The following SNX31 variants were observed in gnomAD, a reference collection of about 807,000 sequenced individuals.
SNX31 encodes the protein sorting nexin 31.
In SNX31, 58 loss-of-function variants were observed where a neutral mutation model predicts 65.4. The observed-to-expected ratio is 0.89, with a 90% CI of 0.72 to 1.10. The LOEUF (loss-of-function observed/expected upper bound fraction) is 1.10. SNX31 is among the 50% of genes least tolerant of loss of function. The pLI, the probability that SNX31 is intolerant of heterozygous loss-of-function variation, is 0.00. For synonymous variants in SNX31, 181 were observed against 190.1 expected, an observed-to-expected ratio of 0.95 and a Z score of 0.39; for missense variants, 523 against 529.7, an observed-to-expected ratio of 0.99 and a Z score of 0.12.
intron 9 of SNX31, among the ~76,000 whole-genome samples, chr8:100,597,098 G>A (rs1815170086): frequency 6.6e-6 from 1 of 152,094 alleles, no homozygotes; most frequent in East Asian, 1.9e-4. Flanking sequence ...CTGTGTCCCT[G>A]CCCCTGTTAT....
chr8:100,601,630 TAA>T (rs762920546), intron 8 of SNX31, among the ~76,000 whole-genome samples: 15 of 152,184 alleles, frequency 9.9e-5, no homozygotes, highest in Non-Finnish European at 1.8e-4. Context: ...AATTTCACAT[TAA>T]AAAAATTAAA....
intron 2 of SNX31, among the ~76,000 whole-genome samples, chr8:100,641,493 C>T (rs544884048): frequency 1.6e-5 from 2 of 128,218 alleles, no homozygotes; most frequent in African/African-American, 3.0e-5. Context: ...AACAGTGAGC[C>T]GAGATCACAC....
intron 12 of SNX31, chr8:100,582,323 A>C (rs1273744642): frequency 6.6e-6 from 1 of 152,188 alleles, no homozygotes; most frequent in East Asian, 1.9e-4. Context: ...TCTCCCTTTT[A>C]ATGAGGCTAC....
chr8:100,624,154 AAT>A (rs909733737), intron 4 of SNX31, among the ~76,000 whole-genome samples: 1 of 152,180 alleles, frequency 6.6e-6, no homozygotes, highest in African/African-American at 2.4e-5. Context: ...AGGGTCTAAA[AAT>A]TGAAGAATAA....
At chr8:100,644,494 A>C (rs1447840106) in intron 2 of SNX31, among the ~76,000 whole-genome samples, 1 of 152,124 alleles carries the variant, frequency 6.6e-6, no homozygotes, top group Non-Finnish European at 1.5e-5. Flanking sequence ...GGGGCCAGCC[A>C]GTTCACACAG....
rs181326082 is a variant in SNX31 at position 100,636,760 on chromosome 8, T to C, written c.142-749A>G. ...TTTTGAGACGGAGTTTCACTCTTGT[T>C]GCCCAGGCTGGAGTGCAATGGCTCA... On this transcript the variant is annotated intron_variant, in intron 2 of 13. Transcript: ENST00000311812. Among the ~76,000 whole-genome samples, 1,119 of 152,250 alleles carry C rather than the reference T, an allele frequency of 7.3e-3. 15 individuals carry two copies. The highest frequency in any genetic ancestry group is 0.024 in the African/African-American group (998 of 41,550).
chr8:100,596,559 G>C (rs1282303271), intron 10 of SNX31, 80 bp downstream of exon 10: 8 of 1,191,820 alleles, frequency 6.7e-6, no homozygotes, highest in Middle Eastern at 3.8e-4. Context: ...TGGCAAACCT[G>C]TCTCCCTAGT....
chr8:100,586,499 G>A (rs1461428989), intron 11 of SNX31, among the ~76,000 whole-genome samples: 1 of 152,152 alleles, frequency 6.6e-6, no homozygotes, highest in African/African-American at 2.4e-5. Context: ...ATTTGCTACT[G>A]CCTAGATTGA....
chr8:100,637,950 C>A (rs761251524), intron 2 of SNX31, among the ~76,000 whole-genome samples: 1 of 152,184 alleles, frequency 6.6e-6, no homozygotes, highest in Non-Finnish European at 1.5e-5. Context: ...GCTGCCTCGG[C>A]CTCCCAAAGT....
At chr8:100,611,673 A>G (rs1476547024) in intron 7 of SNX31, among the ~76,000 whole-genome samples, 1 of 152,146 alleles carries the variant, frequency 6.6e-6, no homozygotes, top group African/African-American at 2.4e-5. Flanking sequence ...CTCCTGCCTC[A>G]GCCTCCTGAA....
At chr8:100,616,211 C>T (rs898782587) in intron 5 of SNX31, among the ~76,000 whole-genome samples, 1 of 152,176 alleles carries the variant, frequency 6.6e-6, no homozygotes, top group African/African-American at 2.4e-5. Context: ...ATCCAGGACT[C>T]ATCCTAAACC....
At position 100,610,152 on chromosome 8, in the gene SNX31, G is replaced by C. The variant is rs551484097; in HGVS notation, c.612-1589C>G. Among the ~76,000 whole-genome samples the C allele has an allele frequency of 6.6e-6, 1 of 152,184 alleles. No individual in the cohort carries two copies. The highest frequency in any genetic ancestry group is 1.5e-5 in the Non-Finnish European group (1 of 68,034). On this transcript the variant is annotated intron_variant, in intron 7 of 13. Coordinates refer to ENST00000311812, the MANE Select transcript of SNX31 (RefSeq NM_152628.4). This position sits in a 1 kb window ranked among gnomAD's most constrained non-coding sequence, Gnocchi z 4.0. ...TTCTTCCCAGTTCCCATCAACAGAG[G>C]CAATCTGCCTAGATCTGAGATGCTG...
In SNX31 at chr8:100,594,699, A is replaced by G. The variant is rs924249722; in HGVS notation, c.978+1940T>C. ...GTTCACTCACACATTGCTGGTGGGA[A>G]TGTAAAATGATGTAGCCATTCTCAA... On this transcript the variant is annotated intron_variant, in intron 10 of 13. Coordinates refer to ENST00000311812, the MANE Select transcript of SNX31 (RefSeq NM_152628.4). This position sits in a 1 kb window ranked among gnomAD's most constrained non-coding sequence, Gnocchi z 4.0. 4.6e-5 allele frequency among the ~76,000 whole-genome samples: 7 copies of G among 152,258 alleles called. No homozygotes were observed. Among genetic ancestry groups the G allele is most frequent in the Non-Finnish European group, 1.0e-4 (7 of 68,052 alleles).
At chr8:100,631,308 A>C (rs994009638) in intron 3 of SNX31, among the ~76,000 whole-genome samples, 2 of 152,154 alleles carry the variant, frequency 1.3e-5, no homozygotes, top group African/African-American at 4.8e-5. Context: ...GGTATGGCCC[A>C]GCCTGGTTCC....
At chr8:100,585,194 T>C (rs1247335929) in intron 11 of SNX31, among the ~76,000 whole-genome samples, 2 of 152,174 alleles carry the variant, frequency 1.3e-5, no homozygotes, top group Non-Finnish European at 2.9e-5. Flanking sequence ...ATGAGCAAAA[T>C]TGAAGGTTCC....
At position 100,630,591 on chromosome 8, in the gene SNX31, G is replaced by A. The variant is rs1049983933; in HGVS notation, c.257-200C>T. Among the ~76,000 whole-genome samples the A allele has an allele frequency of 5.9e-5, 9 of 152,162 alleles. No individual in the cohort carries two copies. The highest frequency in any genetic ancestry group is 2.2e-4 in the African/African-American group (9 of 41,428). On this transcript the variant is annotated intron_variant, in intron 3 of 13. Transcript: ENST00000311812. The surrounding 1 kb of genome is among the most constrained non-coding windows in gnomAD (Gnocchi z 5.3). The stretch of plus-strand genomic sequence containing the variant: ...GGCAGCCTTAACAACAGGAACCCAT[G>A]ACACCCATCCAGGGTGACAGTGTTC...
chr8:100,579,227 T>A (rs950071005), intron 12 of SNX31, among the ~76,000 whole-genome samples: 3 of 152,142 alleles, frequency 2.0e-5, no homozygotes, highest in Admixed American at 6.5e-5. Flanking sequence ...CTGCTCCCTA[T>A]GTCAAAGTAA....
At chr8:100,662,947 A>G (rs1809812107) in intron 1 of SNX31, among the ~76,000 whole-genome samples, 1 of 152,218 alleles carries the variant, frequency 6.6e-6, no homozygotes, top group Non-Finnish European at 1.5e-5. Context: ...AAAAAACAAG[A>G]AGAAAATCGT....
intron 12 of SNX31, among the ~76,000 whole-genome samples, chr8:100,581,355 ATAATT>A (rs1813537604): frequency 7.2e-6 from 1 of 139,172 alleles, no homozygotes; most frequent in East Asian, 1.9e-4. Flanking sequence ...ATATATATAT[ATAATT>A]TAAGAACTTA....
Sources: gnomAD v4.1 joint callset for allele counts (sites outside exome capture counted in the v4.1 genomes callset) on GRCh38, gnomAD v4.1.1 for gene constraint, Gnocchi (gnomAD v3.1) non-coding constraint, MANE v1.5 for transcripts, NCBI Gene and HGNC (gene_info 2026-07-23, HGNC 2026-07-21) for gene names.